KLHL1: variants seen among roughly 807,000 people sequenced by gnomAD.
KLHL1 encodes the protein kelch like family member 1.
A neutral mutation model predicts 77.7 loss-of-function variants in KLHL1; 47 were observed. That is an observed-to-expected ratio of 0.60 (90% CI 0.48 to 0.77). KLHL1 has a LOEUF of 0.77. Among genes scored for constraint, KLHL1 ranks in the 30% least tolerant of loss-of-function variants. KLHL1 has a pLI of 0.00. For synonymous variants in KLHL1, 360 were observed against 325.2 expected (o/e 1.11, Z -1.15); for missense variants, 925 against 910.8 (o/e 1.02, Z -0.20).
intron 6 of KLHL1, among the ~76,000 whole-genome samples, chr13:69,799,268 G>A (rs1223186579): frequency 6.6e-6 from 1 of 152,160 alleles, no homozygotes; most frequent in African/African-American, 2.4e-5. Context: ...AGACTCCAAA[G>A]CCTTGCTAAA....
chr13:69,838,669 CT>C (rs1182681308), intron 6 of KLHL1, among the ~76,000 whole-genome samples: 1 of 151,796 alleles, frequency 6.6e-6, no homozygotes, highest in African/African-American at 2.4e-5. Flanking sequence ...TTTCACATTT[CT>C]TGGCATTGAA....
At chr13:69,809,150 C>T (rs1026652048) in intron 6 of KLHL1, among the ~76,000 whole-genome samples, 5 of 151,996 alleles carry the variant, frequency 3.3e-5, no homozygotes, top group African/African-American at 9.7e-5. Flanking sequence ...GGATATAACT[C>T]GGAAATATTT....
intron 1 of KLHL1, among the ~76,000 whole-genome samples, chr13:70,061,369 G>C: frequency 6.8e-6 from 1 of 147,784 alleles, no homozygotes; most frequent in East Asian, 2.2e-4. Flanking sequence ...AGTAACATGA[G>C]GTTTCTAAAA....
At chr13:69,862,336 GATCCAAGAACAAA>G (rs1254874053) in intron 5 of KLHL1, among the ~76,000 whole-genome samples, 3 of 152,040 alleles carry the variant, frequency 2.0e-5, no homozygotes, top group African/African-American at 7.2e-5. Context: ...AGAAAAGCCA[GATCCAAGAACAAA>G]ATCTTGAACT....
chr13:69,796,098 G>C (rs1043803772), intron 7 of KLHL1, among the ~76,000 whole-genome samples: 6 of 152,140 alleles, frequency 3.9e-5, no homozygotes, highest in Admixed American at 3.3e-4. Context: ...GGTCTACTTT[G>C]TGGATGGCTT....
At chr13:69,711,340 A>G (rs1185383235) in intron 9 of KLHL1, among the ~76,000 whole-genome samples, 2 of 152,072 alleles carry the variant, frequency 1.3e-5, no homozygotes, top group African/African-American at 4.8e-5. Flanking sequence ...CAAAAAAAGA[A>G]ATAAATGAAG....
chr13:69,714,212 T>A (rs1051930293), intron 9 of KLHL1, among the ~76,000 whole-genome samples: 1 of 152,190 alleles, frequency 6.6e-6, no homozygotes, highest in African/African-American at 2.4e-5. Context: ...AACTTCTGTA[T>A]AATGATGAAT....
At chr13:70,086,722 C>A (rs1278065814) in intron 1 of KLHL1, among the ~76,000 whole-genome samples, 1 of 108,136 alleles carries the variant, frequency 9.2e-6, no homozygotes, top group Non-Finnish European at 2.0e-5. Context: ...TTTTTTTTTT[C>A]AAATCTTACC....
intron 1 of KLHL1, among the ~76,000 whole-genome samples, chr13:70,058,016 C>T (rs1886791828): frequency 6.6e-6 from 1 of 151,960 alleles, no homozygotes; most frequent in African/African-American, 2.4e-5. Flanking sequence ...TTGATGCTGA[C>T]AATGCATTTG....
In KLHL1 at chr13:70,095,905, A is replaced by AT. The variant is rs1281902573; in HGVS notation, c.497+11297dup. Among the ~76,000 whole-genome samples the AT allele has an allele frequency of 7.3e-5, 11 of 150,010 alleles. No homozygotes were observed. In the South Asian group the frequency reaches 2.1e-3, roughly 29 times the overall value. On this transcript the variant is annotated intron_variant, in intron 1 of 10. Transcript: ENST00000377844. ...TTATACACTCTATCTCCATGAGTTCATTTTTTTTTAGTTCCCAGATATGAG... is the reference window on the plus strand; with the variant it reads ...TTATACACTCTATCTCCATGAGTTCATTTTTTTTTTAGTTCCCAGATATGAG...
chr13:70,063,567 T>G (rs1017736061), intron 1 of KLHL1, among the ~76,000 whole-genome samples: 2 of 152,074 alleles, frequency 1.3e-5, no homozygotes, highest in Non-Finnish European at 2.9e-5. Flanking sequence ...TCCACTCATT[T>G]AATATTATAC....
intron 5 of KLHL1, among the ~76,000 whole-genome samples, chr13:69,872,438 A>C (rs557365632): frequency 6.6e-6 from 1 of 152,242 alleles, no homozygotes; most frequent in African/African-American, 2.4e-5. Context: ...CACTGGAGTA[A>C]ACTTTCCTCA....
chr13:69,962,541 T>G (rs1218005561), intron 2 of KLHL1, among the ~76,000 whole-genome samples: 2 of 152,082 alleles, frequency 1.3e-5, no homozygotes, highest in African/African-American at 2.4e-5. Context: ...ATCTAAAGTT[T>G]CTCCCTTCAG....
At position 70,075,790 on chromosome 13, in the gene KLHL1, T is replaced by G. The variant is rs1046952418; in HGVS notation, c.497+31413A>C. ...ATATATATACATATATATGTATATATATATGTTGCAGGATATGATTTTGGC... is the reference window on the plus strand; with the variant it reads ...ATATATATACATATATATGTATATAGATATGTTGCAGGATATGATTTTGGC... On this transcript the variant is annotated intron_variant, in intron 1 of 10. Transcript: ENST00000377844. 3.9e-4 allele frequency among the ~76,000 whole-genome samples: 57 copies of G among 147,564 alleles called. 1 individual carries two copies. The highest frequency in any genetic ancestry group is 8.9e-4 in the Admixed American group (13 of 14,606).
intron 4 of KLHL1, among the ~76,000 whole-genome samples, chr13:69,920,815 G>A (rs1271130786): frequency 1.3e-5 from 2 of 151,910 alleles, no homozygotes; most frequent in East Asian, 3.8e-4. Flanking sequence ...TATTATCTCA[G>A]ACAAAAAACA....
intron 7 of KLHL1, among the ~76,000 whole-genome samples, chr13:69,783,876 T>G (rs1356985480): frequency 6.6e-6 from 1 of 151,532 alleles, no homozygotes; most frequent in Non-Finnish European, 1.5e-5. Flanking sequence ...GACACATAAT[T>G]GTCAGATTCA....
intron 6 of KLHL1, among the ~76,000 whole-genome samples, chr13:69,797,555 G>T (rs952677367): frequency 2.0e-5 from 3 of 151,738 alleles, no homozygotes; most frequent in Non-Finnish European, 4.4e-5. Context: ...AATGGCTCAC[G>T]CCTGTGATCC....
chr13:69,705,128 T>C (rs989941685), intron 10 of KLHL1, among the ~76,000 whole-genome samples: 2 of 151,656 alleles, frequency 1.3e-5, no homozygotes, highest in African/African-American at 4.8e-5. Context: ...TATGGCAGTA[T>C]ACCAAGATAA....
intron 5 of KLHL1, among the ~76,000 whole-genome samples, chr13:69,845,430 T>C (rs1879420769): frequency 6.6e-6 from 1 of 151,662 alleles, no homozygotes; most frequent in Non-Finnish European, 1.5e-5. Context: ...CTGTACATTT[T>C]AGTGTTACAA....
Sources: gnomAD v4.1 joint callset for allele counts (sites outside exome capture counted in the v4.1 genomes callset) on GRCh38, gnomAD v4.1.1 for gene constraint, MANE v1.5 for transcripts, NCBI Gene and HGNC (gene_info 2026-07-23, HGNC 2026-07-21) for gene names.